ADAMTS7: variants seen among roughly 807,000 people sequenced by gnomAD.
The protein encoded by ADAMTS7 is A disintegrin and metalloproteinase with thrombospondin motifs 7.
Under a neutral mutation model 172.6 loss-of-function variants are expected in ADAMTS7, and 89 were observed. That is an observed-to-expected ratio of 0.52 (90% CI 0.43 to 0.61). The LOEUF (loss-of-function observed/expected upper bound fraction) is 0.61, where lower values mean the gene tolerates loss of function less well. ADAMTS7 is among the 20% of genes least tolerant of loss of function. The pLI is 0.00. For synonymous variants in ADAMTS7, 885 were observed against 978.4 expected (o/e 0.90, Z 1.78); for missense variants, 1,973 against 2,355.6 (o/e 0.84, Z 3.36).
intron 8 of ADAMTS7, among the ~76,000 whole-genome samples, chr15:78,779,614 G>A (rs2055402043): frequency 1.3e-5 from 2 of 152,172 alleles, no homozygotes; most frequent in Admixed American, 1.3e-4. Context: ...CCCTGGGCCT[G>A]CACCCGGGGC....
chr15:78,802,635 G>A (rs1247708624), intron 1 of ADAMTS7, among the ~76,000 whole-genome samples: 1 of 152,134 alleles, frequency 6.6e-6, no homozygotes, highest in Non-Finnish European at 1.5e-5. Flanking sequence ...AGTAAGGCCT[G>A]GATTCTTATC....
At position 78,763,837 on chromosome 15, in the gene ADAMTS7, C is replaced by G. The variant is rs917289114; in HGVS notation, c.4602G>C (p.Glu1534Asp). 6.3e-7 allele frequency: 1 copy of G among 1,582,704 alleles called. No individual in the cohort carries two copies. The highest frequency in any genetic ancestry group is 1.1e-5 in the South Asian group (1 of 87,486). The change falls in exon 22 of 24, where the codon GAG (glutamate) becomes GAC (aspartate). Residue 1534 changes from glutamate (E) to aspartate (D), a missense_variant. Physicochemically the swap from Glu to Asp is conservative, Grantham distance 45. Coordinates refer to ENST00000388820, the MANE Select transcript of ADAMTS7 (RefSeq NM_014272.5). ...GCTGCTGCTCACCACCGCCACAGGC[C>G]TCGGAGCACTGGGTGGGCAGGGAAG... ...WYTSSWRECSEACGGGEQQRL... is the reference protein window; with the variant it reads ...WYTSSWRECSDACGGGEQQRL...
chr15:78,800,587 A>G, intron 1 of ADAMTS7, 40 bp from the exon 2 acceptor site: 1 of 1,548,808 alleles, frequency 6.5e-7, no homozygotes, highest in Non-Finnish European at 8.7e-7. Context: ...CCCAGGGCAG[A>G]CCCGGGTCCT....
At position 78,790,634 on chromosome 15, in the gene ADAMTS7, G is replaced by T. The variant is rs1486526602; in HGVS notation, c.1028+36C>A. 1.9e-6 allele frequency: 3 copies of T among 1,609,990 alleles called. No homozygotes were observed. The East Asian group carries it at 6.7e-5, about 36-fold the overall frequency. On this transcript the variant is annotated intron_variant, in intron 6 of 23. Coordinates refer to ENST00000388820, the MANE Select transcript of ADAMTS7 (RefSeq NM_014272.5). ...TCTGCAGGGCCGGGAAGCACCTCCT[G>T]AGATGCAGGCTCCCACCCTCCTGCG... is the stretch of plus-strand genomic sequence containing the variant.
At chr15:78,777,838 TC>T (rs2055373506) in intron 8 of ADAMTS7, among the ~76,000 whole-genome samples, 1 of 152,080 alleles carries the variant, frequency 6.6e-6, no homozygotes, top group South Asian at 2.1e-4. Flanking sequence ...ATCCCAGGCC[TC>T]CGCACACGCT....
chr15:78,783,501 C>G (rs371572492), intron 8 of ADAMTS7, among the ~76,000 whole-genome samples: 19 of 152,148 alleles, frequency 1.2e-4, no homozygotes, highest in East Asian at 3.9e-4. Flanking sequence ...TGGTCTCAAA[C>G]TCCTGACCTC....
chr15:78,777,456 G>A lies in ADAMTS7; in HGVS notation c.1455C>T (p.Cys485=), dbSNP rs145588712. 3.4e-4 allele frequency: 547 copies of A among 1,612,570 alleles called. 6 individuals are homozygous for A. Among genetic ancestry groups the A allele is most frequent in the Middle Eastern group, 1.6e-4 (1 of 6,080 alleles). The change falls in exon 9 of 24, where the codon TGC becomes TGT. Residue 485 remains cysteine (C), a synonymous_variant. Coordinates refer to ENST00000388820, the MANE Select transcript of ADAMTS7 (RefSeq NM_014272.5). ...RLQYGAYSAF[C]EDMDNVCHTL... ...CGGCCCCACTCACATCCATGTCCTC[G>A]CAGAAGGCAGAGTAGGCCCCGTACT...
At chr15:78,762,028 G>T (rs1285285528) in intron 23 of ADAMTS7, 1 of 985,314 alleles carries the variant, frequency 1.0e-6, no homozygotes, top group Non-Finnish European at 1.2e-6. Flanking sequence ...GACTCACCCA[G>T]GCCCAGTTTT....
At chr15:78,794,403 TG>T (rs2055617522) in intron 4 of ADAMTS7, among the ~76,000 whole-genome samples, 1 of 152,224 alleles carries the variant, frequency 6.6e-6, no homozygotes, top group Non-Finnish European at 1.5e-5. Context: ...GCTGGCCATA[TG>T]GGTTCCCATG....
chr15:78,764,056 T>A lies in ADAMTS7; in HGVS notation c.4463A>T (p.Gln1488Leu), dbSNP rs749040886. The A allele has an allele frequency of 4.6e-6, 7 of 1,537,922 alleles. No homozygotes were observed. In the South Asian group the frequency reaches 8.5e-5, roughly 19 times the overall value. ...CCGGAGGTCCCGTGTGTCCACACAC[T>A]GCACGTCCCGCACTGAGGAACCTCC... ...CGGGSSVRDVQCVDTRDLRPL... is the reference protein window; with the variant it reads ...CGGGSSVRDVLCVDTRDLRPL... Residue 1488 changes from glutamine to leucine, a missense_variant, in exon 21 of 24, where the codon CAG becomes CTG. Physicochemically the swap from Gln to Leu is moderately radical, Grantham distance 113. Transcript: ENST00000388820.
At position 78,766,754 on chromosome 15, in the gene ADAMTS7, C is replaced by T. The variant is rs759012651; in HGVS notation, c.3157G>A (p.Asp1053Asn). The T allele has an allele frequency of 1.2e-6, 2 of 1,610,626 alleles. No individual in the cohort carries two copies. The highest frequency in any genetic ancestry group is 2.2e-5 in the South Asian group (2 of 90,980). Residue 1053 changes from aspartate to asparagine, a missense_variant, in exon 19 of 24, where the codon GAC becomes AAC. Physicochemically the swap from Asp to Asn is conservative, Grantham distance 23. Coordinates refer to ENST00000388820, the MANE Select transcript of ADAMTS7 (RefSeq NM_014272.5). ...NAIEEEAPELDLPGPVFVDDF... is the reference protein window; with the variant it reads ...NAIEEEAPELNLPGPVFVDDF... ...TCCACAAACACGGGCCCCGGCAGGT[C>T]CAGCTCTGGAGCCTCCTCCTCAATG...
chr15:78,766,321 G>T lies in ADAMTS7; in HGVS notation c.3590C>A (p.Pro1197Gln). ...PATPESQNDF[P>Q]VGKDSQSQLP... ...CTGGCTCTGGCTGTCCTTGCCAACT[G>T]GGAAATCATTTTGGCTCTCAGGGGT... Residue 1197 changes from proline (P) to glutamine (Q), a missense_variant, in exon 19 of 24, where the codon CCA (proline) becomes CAA (glutamine). Pro to Gln is a moderately conservative substitution (Grantham distance 76). Transcript: ENST00000388820. 6.2e-7 allele frequency: 1 copy of T among 1,611,292 alleles called. No homozygotes were observed. The highest frequency in any genetic ancestry group is 8.5e-7 in the Non-Finnish European group (1 of 1,179,998).
Position 78,762,478 on chromosome 15 carries a change from G to C in ADAMTS7, c.4828C>G (p.Gln1610Glu). ...QTGLPEEDSD[Q>E]CGHEAWPESS... ...TCAGGCCAGGCCTCGTGGCCACACT[G>C]GTCACTGTCTTCCTCGGGCAGCCCT... The change falls in exon 23 of 24, where the codon CAG becomes GAG. Residue 1610 changes from glutamine to glutamate, a missense_variant. By Grantham distance (29) the Gln-to-Glu change is conservative. Around this residue, in one of 8 missense-constraint regions of ADAMTS7, gnomAD observed 42 missense variants for 78.3 expected, o/e 0.54. Coordinates refer to ENST00000388820, the MANE Select transcript of ADAMTS7 (RefSeq NM_014272.5). The C allele has an allele frequency of 1.3e-6, 2 of 1,588,292 alleles. No homozygotes were observed. Among genetic ancestry groups the C allele is most frequent in the East Asian group, 2.4e-5 (1 of 42,550 alleles).
intron 8 of ADAMTS7, among the ~76,000 whole-genome samples, chr15:78,786,885 G>A (rs192338618): frequency 5.9e-5 from 9 of 152,030 alleles, no homozygotes; most frequent in African/African-American, 2.2e-4. Context: ...TGCCACCCCT[G>A]AGATCATCCC....
At chr15:78,797,904 C>T in intron 3 of ADAMTS7, 44 bp downstream of exon 3, 1 of 1,573,006 alleles carries the variant, frequency 6.4e-7, no homozygotes, top group Non-Finnish European at 8.6e-7. Flanking sequence ...CTTCATGTCC[C>T]CAGGCCCAGC....
At chr15:78,776,719 C>A in intron 10 of ADAMTS7, 30 bp downstream of exon 10, 1 of 1,537,298 alleles carries the variant, frequency 6.5e-7, no homozygotes, top group Non-Finnish European at 8.8e-7. Context: ...CTCTCACACA[C>A]CCACTGCCGG....
At chr15:78,796,906 C>A in intron 3 of ADAMTS7, 120 bp from the exon 4 acceptor site, 1 of 946,530 alleles carries the variant, frequency 1.1e-6, no homozygotes, top group Non-Finnish European at 1.5e-6. Flanking sequence ...GATCAGAGGC[C>A]AGGGGCCTGA....
At position 78,790,722 on chromosome 15, in the gene ADAMTS7, T is replaced by A. The variant is rs748140906; in HGVS notation, c.976A>T (p.Met326Leu). Residue 326 changes from methionine (M) to leucine (L), a missense_variant, in exon 6 of 24, where the codon ATG becomes TTG. Around this residue, in one of 8 missense-constraint regions of ADAMTS7, gnomAD observed 526 missense variants for 662.9 expected, o/e 0.79. Coordinates refer to ENST00000388820, the MANE Select transcript of ADAMTS7 (RefSeq NM_014272.5). ...TGCAGGGGATGGGCATCCCCCTTCATGTTGATGCTTTTCTGCCACTTGCAG... is the reference window on the plus strand; with the variant it reads ...TGCAGGGGATGGGCATCCCCCTTCAAGTTGATGCTTTTCTGCCACTTGCAG... ...SFCKWQKSIN[M>L]KGDAHPLHHD... The A allele has an allele frequency of 5.0e-6, 8 of 1,614,008 alleles. No homozygotes were observed. The South Asian group carries it at 7.7e-5, about 16-fold the overall frequency.
At chr15:78,777,880 G>T (rs1342352662) in intron 8 of ADAMTS7, among the ~76,000 whole-genome samples, 1 of 152,106 alleles carries the variant, frequency 6.6e-6, no homozygotes, top group Non-Finnish European at 1.5e-5. Context: ...AGGCCTCCTG[G>T]ACCACCAAGC....
Sources: gnomAD v4.1 joint callset for allele counts (sites outside exome capture counted in the v4.1 genomes callset) on GRCh38, gnomAD v4.1.1 for gene constraint, gnomAD v4.1.1 regional missense constraint, MANE v1.5 for transcripts, NCBI Gene and HGNC (gene_info 2026-07-23, HGNC 2026-07-21) for gene names.